Variants in FBXO42 observed in about 807,000 individuals in gnomAD.
FBXO42 encodes F-box protein 42.
In FBXO42, 12 loss-of-function variants were observed where a neutral mutation model predicts 71.7. The observed-to-expected ratio is 0.17, with a 90% CI of 0.11 to 0.27. The LOEUF is 0.27. Among genes scored for constraint, FBXO42 ranks in the 10% least tolerant of loss-of-function variants. The probability of loss-of-function intolerance (pLI) is 1.00; values close to 1 mark genes in which losing one functional copy is unlikely to be tolerated. For missense variants in FBXO42, 707 were observed against 911.9 expected, an observed-to-expected ratio of 0.78 and a Z score of 2.89; for synonymous variants, 325 against 327.5, an observed-to-expected ratio of 0.99 and a Z score of 0.08.
intron 1 of FBXO42, among the ~76,000 whole-genome samples, chr1:16,335,063 CAAAAAAAAAAAA>C (rs55983316): frequency 4.3e-5 from 3 of 69,024 alleles, no homozygotes; most frequent in Non-Finnish European, 5.1e-5. Flanking sequence ...CTCGTCTGTA[CAAAAAAAAAAAA>C]AAAAAAAAAA....
At chr1:16,255,603 G>A (rs1477124096) in intron 6 of FBXO42, 108 bp downstream of exon 6, 26 of 875,906 alleles carry the variant, frequency 3.0e-5, no homozygotes, top group Non-Finnish European at 1.0e-5. Context: ...CCAAAATGCT[G>A]GGATTACAGG....
At chr1:16,288,798 A>G (rs2082048205) in intron 4 of FBXO42, among the ~76,000 whole-genome samples, 1 of 151,848 alleles carries the variant, frequency 6.6e-6, no homozygotes, top group Non-Finnish European at 1.5e-5. Flanking sequence ...CCTCTACTAA[A>G]TATACAAAAA....
At chr1:16,323,123 TA>T (rs1458741395) in intron 1 of FBXO42, among the ~76,000 whole-genome samples, 2 of 152,154 alleles carry the variant, frequency 1.3e-5, no homozygotes, top group Non-Finnish European at 2.9e-5. Context: ...TTCAAAAGGT[TA>T]AAAAATGTAA....
At chr1:16,275,367 C>T (rs764782795) in intron 4 of FBXO42, among the ~76,000 whole-genome samples, 1 of 152,126 alleles carries the variant, frequency 6.6e-6, no homozygotes, top group Admixed American at 6.5e-5. Context: ...TCTGTAATCT[C>T]GGTACTTCGA....
At chr1:16,279,012 G>A (rs2081933362) in intron 4 of FBXO42, among the ~76,000 whole-genome samples, 1 of 152,120 alleles carries the variant, frequency 6.6e-6, no homozygotes, top group Admixed American at 6.5e-5. Flanking sequence ...CCGACCTCAG[G>A]TGATCTGCCT....
rs1470382722 is a variant in FBXO42 at position 16,248,655 on chromosome 1, C to G, written c.*2015G>C. ...ATAGCGGTAACACCTGAATTGCTAGCCTTCTGGCCCAGCTTTCCCTTGTAA... is the reference window on the plus strand; with the variant it reads ...ATAGCGGTAACACCTGAATTGCTAGGCTTCTGGCCCAGCTTTCCCTTGTAA... On this transcript the variant is annotated 3_prime_UTR_variant, in exon 10 of 10. Transcript: ENST00000375592. 1 of 152,218 alleles carries G rather than the reference C, an allele frequency of 6.6e-6. No homozygotes were observed. The highest frequency in any genetic ancestry group is 1.5e-5 in the Non-Finnish European group (1 of 68,046). The allele number at this position is 152,218 out of a possible 1,614,324, so 9.4% of individuals were successfully genotyped here.
intron 1 of FBXO42, among the ~76,000 whole-genome samples, chr1:16,340,031 G>C (rs1036299088): frequency 6.6e-6 from 1 of 152,052 alleles, no homozygotes; most frequent in Admixed American, 6.6e-5. Flanking sequence ...CAAAAAATTA[G>C]CCAGGCGTGG....
chr1:16,339,147 G>A (rs1009737942), intron 1 of FBXO42, among the ~76,000 whole-genome samples: 1 of 151,810 alleles, frequency 6.6e-6, no homozygotes, highest in African/African-American at 2.4e-5. Flanking sequence ...CAGGGCAAAG[G>A]AATGCCTTCC....
intron 4 of FBXO42, among the ~76,000 whole-genome samples, chr1:16,271,452 T>C: frequency 6.6e-6 from 1 of 152,032 alleles, no homozygotes; most frequent in East Asian, 1.9e-4. Context: ...GGCTAATTTT[T>C]GTATTTTAAG....
chr1:16,324,606 C>A (rs576727867), intron 1 of FBXO42, among the ~76,000 whole-genome samples: 4 of 152,228 alleles, frequency 2.6e-5, no homozygotes, highest in Admixed American at 2.0e-4. Context: ...AAACTTGAGT[C>A]CAGGAATTTG....
At chr1:16,296,453 C>T (rs2082131067) in intron 3 of FBXO42, among the ~76,000 whole-genome samples, 1 of 151,484 alleles carries the variant, frequency 6.6e-6, no homozygotes, top group Admixed American at 6.6e-5. Context: ...AGTTCGAGAC[C>T]AGCCTGGCCA....
At chr1:16,343,300 T>C (rs184848379) in intron 1 of FBXO42, among the ~76,000 whole-genome samples, 2 of 152,220 alleles carry the variant, frequency 1.3e-5, no homozygotes, top group East Asian at 3.9e-4. Context: ...TGCCAACACT[T>C]TAGGTCAAGG....
chr1:16,317,525 T>G (rs1012361958), intron 1 of FBXO42, among the ~76,000 whole-genome samples: 2 of 151,954 alleles, frequency 1.3e-5, no homozygotes, highest in Admixed American at 1.3e-4. Flanking sequence ...GAACCTGGGA[T>G]GCAGAGGTTG....
chr1:16,336,202 T>C (rs905253195), intron 1 of FBXO42, among the ~76,000 whole-genome samples: 6 of 151,490 alleles, frequency 4.0e-5, no homozygotes, highest in African/African-American at 1.5e-4. Flanking sequence ...CCTCCCGAAG[T>C]GTTGGGATTA....
chr1:16,319,127 C>T (rs2082393161), intron 1 of FBXO42, among the ~76,000 whole-genome samples: 1 of 152,088 alleles, frequency 6.6e-6, no homozygotes, highest in Non-Finnish European at 1.5e-5. Context: ...AGGGTCTTCC[C>T]AAAATTGGGA....
At chr1:16,292,020 G>T (rs2100526068) in intron 4 of FBXO42, among the ~76,000 whole-genome samples, 1 of 152,242 alleles carries the variant, frequency 6.6e-6, no homozygotes, top group South Asian at 2.1e-4. Flanking sequence ...ATTTCAAAAA[G>T]CTCAGGTTTT....
chr1:16,275,572 T>C (rs2081891262), intron 4 of FBXO42, among the ~76,000 whole-genome samples: 1 of 152,138 alleles, frequency 6.6e-6, no homozygotes, highest in Non-Finnish European at 1.5e-5. Flanking sequence ...TGAGCTATGA[T>C]GATGCCACTG....
In FBXO42 at chr1:16,248,148, T is replaced by C. The variant is rs2081553524; in HGVS notation, c.*2522A>G. ...TGGCCTGACTGCAGCATCCACGGCA[T>C]TGTGGAAATGCTCGCCTTGGCCGAG... On this transcript the variant is annotated 3_prime_UTR_variant, in exon 10 of 10. Transcript: ENST00000375592. The C allele has an allele frequency of 6.6e-6, 1 of 152,134 alleles. No homozygotes were observed. 9.4% of individuals were successfully genotyped at this position (152,134 alleles called of 1,614,324 possible).
chr1:16,279,474 C>T (rs146007677), intron 4 of FBXO42, among the ~76,000 whole-genome samples: 74 of 152,298 alleles, frequency 4.9e-4, no homozygotes, highest in Admixed American at 8.5e-4. Context: ...ATCTTGTCTA[C>T]ATCTTGTCTA....
Sources: allele counts gnomAD v4.1 joint callset (sites outside exome capture counted in the v4.1 genomes callset), GRCh38; gene constraint gnomAD v4.1.1; transcripts MANE v1.5; gene names NCBI Gene and HGNC (gene_info 2026-07-23, HGNC 2026-07-21).